Variants in CDCA3 observed in about 807,000 individuals in gnomAD.
The protein encoded by CDCA3 is cell division cycle-associated protein 3.
A neutral mutation model predicts 29.1 loss-of-function variants in CDCA3; 16 were observed. The ratio of observed to expected loss-of-function variants is 0.55; its 90% CI spans 0.37 to 0.83. CDCA3 has a LOEUF of 0.83. Among genes scored for constraint, CDCA3 ranks in the 40% least tolerant of loss-of-function variants. CDCA3 has a pLI of 0.00. For synonymous variants in CDCA3, 88 were observed against 124.5 expected, an observed-to-expected ratio of 0.71 and a Z score of 1.95; for missense variants, 291 against 327.2, an observed-to-expected ratio of 0.89 and a Z score of 0.85.
chr12:6,850,796 A>G lies in CDCA3; in HGVS notation c.120+37T>C, dbSNP rs372106407. On this transcript the variant is annotated intron_variant, in intron 2 of 5. Coordinates refer to ENST00000538862, the MANE Select transcript of CDCA3 (RefSeq NM_031299.7). The surrounding 1 kb of genome is among the most constrained non-coding windows in gnomAD (Gnocchi z 4.7). ...AGGTTAGGAAGAGACCCAAGAATTC[A>G]GACATTCTCTGCCTTTCCCACGCTG... The G allele has an allele frequency of 1.2e-6, 2 of 1,608,396 alleles. No individual in the cohort carries two copies. The highest frequency in any genetic ancestry group is 2.7e-5 in the African/African-American group (2 of 74,848).
rs1943756237 is a variant in CDCA3 at position 6,848,837 on chromosome 12, A to G, written c.*206T>C. On this transcript the variant is annotated 3_prime_UTR_variant, in exon 6 of 6. Coordinates refer to ENST00000538862, the MANE Select transcript of CDCA3 (RefSeq NM_031299.7). ...GTGCAAGGTTTACATATACCTTTTT[A>G]AAGTAACATTTAAAATTACTTCCTT... 1 of 575,172 alleles carries G rather than the reference A, an allele frequency of 1.7e-6. No individual in the cohort carries two copies. The highest frequency in any genetic ancestry group is 1.9e-5 in the African/African-American group (1 of 53,282). 35.6% of individuals were successfully genotyped at this position (575,172 alleles called of 1,614,324 possible).
chr12:6,849,245 G>A lies in CDCA3; in HGVS notation c.652-47C>T. On this transcript the variant is annotated intron_variant, in intron 5 of 5. Coordinates refer to ENST00000538862, the MANE Select transcript of CDCA3 (RefSeq NM_031299.7). This position sits in a 1 kb window ranked among gnomAD's most constrained non-coding sequence, Gnocchi z 5.2. ...TTGGGGGGAGTTGCTGTTCAGAAGA[G>A]GGAAGATCTGGGTAAAAGGGTCTCC... 1.2e-6 allele frequency: 2 copies of A among 1,610,876 alleles called. No homozygotes were observed. Among genetic ancestry groups the A allele is most frequent in the Non-Finnish European group, 1.7e-6 (2 of 1,177,956 alleles).
downstream of CDCA3, chr12:6,848,694 C>G (rs1943752751): frequency 4.0e-6 from 1 of 248,884 alleles, no homozygotes; most frequent in African/African-American, 2.3e-5. Flanking sequence ...GGGCCAAGGA[C>G]AGAGCCATAG....
downstream of CDCA3, chr12:6,846,760 G>C: frequency 2.3e-6 from 3 of 1,279,608 alleles, no homozygotes; most frequent in Non-Finnish European, 3.4e-6. Flanking sequence ...TCAGCTTGGA[G>C]AGACAGGCTG....
At chr12:6,845,549 G>T (rs1555124432), downstream of CDCA3, 1 of 1,478,604 alleles carries the variant, frequency 6.8e-7, no homozygotes. Flanking sequence ...GGCTGCCCAG[G>T]TCTGATCCCT....
Position 6,850,474 on chromosome 12 carries a change from G to T in CDCA3, c.243C>A (p.Ser81Arg). The T allele has an allele frequency of 6.2e-7, 1 of 1,614,110 alleles. No homozygotes were observed. The highest frequency in any genetic ancestry group is 2.2e-5 in the East Asian group (1 of 44,886). The change falls in exon 3 of 6, where the codon AGC (serine) becomes AGA (arginine). Residue 81 changes from serine (S) to arginine (R), a missense_variant. Physicochemically the swap from Ser to Arg is moderately radical, Grantham distance 110. Transcript: ENST00000538862. This position sits in a 1 kb window ranked among gnomAD's most constrained non-coding sequence, Gnocchi z 4.7. ...CCTGGGCCCAACGCTTACCTCCACT[G>T]CTGGTCTTCATAGGTGTCCGTGCAA... Reference protein sequence around the residue: ...LGIARTPMKTSSGDPPSPLVK... With the variant: ...LGIARTPMKTRSGDPPSPLVK...
Position 6,851,246 on chromosome 12 carries a change from G to A in CDCA3, c.-82C>T, listed in dbSNP as rs1227858820. 3.4e-6 allele frequency: 4 copies of A among 1,184,886 alleles called. No homozygotes were observed. In the African/African-American group the frequency reaches 4.8e-5, roughly 14 times the overall value. The allele number at this position is 1,184,886 out of a possible 1,614,324, so 73.4% of individuals were successfully genotyped here. A position where few individuals can be genotyped will look rare whatever the true frequency, so the allele number is the denominator to read the frequency against. On this transcript the variant is annotated 5_prime_UTR_variant, in exon 1 of 6. Transcript: ENST00000538862. ...CCGGGCCCCAATTCCACCTCTGGAT[G>A]CACAACAGCTCGTGGCTCAACTCCC...
At position 6,850,300 on chromosome 12, in the gene CDCA3, G is replaced by T; in HGVS notation, c.250+167C>A. 2 of 912,426 alleles carry T rather than the reference G, an allele frequency of 2.2e-6. No individual in the cohort carries two copies. The highest frequency in any genetic ancestry group is 3.3e-6 in the Non-Finnish European group (2 of 601,094). The allele number at this position is 912,426 out of a possible 1,614,324, so 56.5% of individuals were successfully genotyped here. On this transcript the variant is annotated intron_variant, in intron 3 of 5. Transcript: ENST00000538862. This position sits in a 1 kb window ranked among gnomAD's most constrained non-coding sequence, Gnocchi z 4.7. ...TCCAACGTGCTGGGATTACAGGCATGAGCCACCGCACCCAGGCTGGGAACA... is the reference window on the plus strand; with the variant it reads ...TCCAACGTGCTGGGATTACAGGCATTAGCCACCGCACCCAGGCTGGGAACA...
downstream of CDCA3, chr12:6,845,621 G>T: frequency 6.2e-7 from 1 of 1,613,126 alleles, no homozygotes; most frequent in Non-Finnish European, 8.5e-7. Flanking sequence ...GCACGGGCTC[G>T]GATGACGCTT....
At position 6,849,616 on chromosome 12, in the gene CDCA3, T is replaced by C; in HGVS notation, c.493A>G (p.Ser165Gly). 7 of 1,613,972 alleles carry C rather than the reference T, an allele frequency of 4.3e-6. No individual in the cohort carries two copies. The highest frequency in any genetic ancestry group is 5.9e-6 in the Non-Finnish European group (7 of 1,179,928). ...ARQPTETPVA[S>G]QSSDKPSRDP... ...CTTGAGGGCTTGTCGGAGCTCTGGC[T>C]GGCCACAGGGGTTTCTGTGGGCTGT... Residue 165 changes from serine (S) to glycine (G), a missense_variant, in exon 4 of 6, where the codon AGC (serine) becomes GGC (glycine). Coordinates refer to ENST00000538862, the MANE Select transcript of CDCA3 (RefSeq NM_031299.7). The surrounding 1 kb of genome is among the most constrained non-coding windows in gnomAD (Gnocchi z 5.2).
At chr12:6,846,905 TG>T, downstream of CDCA3, 1 of 1,523,474 alleles carries the variant, frequency 6.6e-7, no homozygotes, top group Non-Finnish European at 9.0e-7. Context: ...CTGAGGAGGC[TG>T]GAGAAAGGGA....
At chr12:6,845,378 A>G (rs1362160202), downstream of CDCA3, 7 of 581,280 alleles carry the variant, frequency 1.2e-5, no homozygotes, top group Non-Finnish European at 2.2e-5. Flanking sequence ...AGCGCTGTAT[A>G]GTGCAGAGCG....
Position 6,850,152 on chromosome 12 carries a change from A to G in CDCA3, c.251-294T>C. The G allele has an allele frequency of 2.0e-6, 1 of 505,768 alleles. No individual in the cohort carries two copies. Among genetic ancestry groups the G allele is most frequent in the Non-Finnish European group, 3.5e-6 (1 of 285,862 alleles). The allele number at this position is 505,768 out of a possible 1,614,324, so 31.3% of individuals were successfully genotyped here. Reference sequence around the variant, plus strand: ...GTAGCTGGGATCACAGGCCCATGCCACCGTGCTTTTGTGTGTGTGTGTGTG... The same window carrying G: ...GTAGCTGGGATCACAGGCCCATGCCGCCGTGCTTTTGTGTGTGTGTGTGTG... On this transcript the variant is annotated intron_variant, in intron 3 of 5. Transcript: ENST00000538862. The surrounding 1 kb of genome is among the most constrained non-coding windows in gnomAD (Gnocchi z 4.7).
downstream of CDCA3, chr12:6,847,380 G>A (rs1418684479): frequency 1.2e-5 from 2 of 162,484 alleles, no homozygotes; most frequent in Non-Finnish European, 2.7e-5. Context: ...GCAATAAAGT[G>A]TAGCACCCTG....
chr12:6,850,974 G>T lies in CDCA3; in HGVS notation c.-22C>A. On this transcript the variant is annotated 5_prime_UTR_variant, in exon 2 of 6. Transcript: ENST00000538862. This position sits in a 1 kb window ranked among gnomAD's most constrained non-coding sequence, Gnocchi z 4.7. ...CCATCTCAACCAGGAGTTGCAGGGTGGGGGCAAGGGCCAGCCCGGGACGAG... is the reference window on the plus strand; with the variant it reads ...CCATCTCAACCAGGAGTTGCAGGGTTGGGGCAAGGGCCAGCCCGGGACGAG... 6.2e-7 allele frequency: 1 copy of T among 1,601,980 alleles called. No homozygotes were observed. The highest frequency in any genetic ancestry group is 8.5e-7 in the Non-Finnish European group (1 of 1,177,930).
At chr12:6,848,763 C>T, downstream of CDCA3, 1 of 432,830 alleles carries the variant, frequency 2.3e-6, no homozygotes, top group Non-Finnish European at 4.1e-6. Flanking sequence ...TGGGCTCAGG[C>T]CAGGGAACGC....
At position 6,851,272 on chromosome 12, in the gene CDCA3, GAA is replaced by G; in HGVS notation, c.-110_-109del. 1.8e-6 allele frequency: 2 copies of G among 1,126,800 alleles called. No homozygotes were observed. The highest frequency in any genetic ancestry group is 2.2e-6 in the Non-Finnish European group (2 of 916,560). 69.8% of individuals were successfully genotyped at this position (1,126,800 alleles called of 1,614,324 possible). ...CACAACAGCTCGTGGCTCAACTCCC[GAA>G]GTTACCAGTTTCAAACTTCCCGCCA... On this transcript the variant is annotated 5_prime_UTR_variant, in exon 1 of 6. Coordinates refer to ENST00000538862, the MANE Select transcript of CDCA3 (RefSeq NM_031299.7).
chr12:6,846,688 T>TACACACAC (rs782215016), downstream of CDCA3: 3 of 629,630 alleles, frequency 4.8e-6, no homozygotes, highest in Admixed American at 2.3e-5. Context: ...CACACCCACA[T>TACACACAC]ACACACACAC....
At chr12:6,846,662 C>T (rs918704648), downstream of CDCA3, 7 of 628,616 alleles carry the variant, frequency 1.1e-5, no homozygotes, top group Non-Finnish European at 2.0e-5. Flanking sequence ...CATACACATG[C>T]ACACATATCC....
Sources: gnomAD v4.1 joint callset for allele counts on GRCh38, gnomAD v4.1.1 for gene constraint, Gnocchi (gnomAD v3.1) non-coding constraint, MANE v1.5 for transcripts, NCBI Gene and HGNC (gene_info 2026-07-23, HGNC 2026-07-21) for gene names.